Variants in FSTL4 observed in about 807,000 individuals in gnomAD.
FSTL4 encodes the protein follistatin-related protein 4.
A neutral mutation model predicts 78.2 loss-of-function variants in FSTL4; 28 were observed. The observed-to-expected ratio is 0.36, with a 90% CI of 0.27 to 0.49. The LOEUF is 0.49. Among genes scored for constraint, FSTL4 ranks in the 20% least tolerant of loss-of-function variants. FSTL4 has a pLI of 0.98. For missense variants in FSTL4, 922 were observed against 1,084.9 expected (o/e 0.85, Z 2.11); for synonymous variants, 422 against 440.5 (o/e 0.96, Z 0.53).
At chr5:133,702,383 C>A in the FSTL4 span, among the ~76,000 whole-genome samples, 1 of 152,178 alleles carries the variant, frequency 6.6e-6, no homozygotes, top group Non-Finnish European at 1.5e-5. Flanking sequence ...GCGGCAGGTG[C>A]TGGACAAATG....
chr5:133,295,539 T>C (rs1357267358), intron 6 of FSTL4, among the ~76,000 whole-genome samples: 2 of 152,220 alleles, frequency 1.3e-5, no homozygotes, highest in Non-Finnish European at 1.5e-5. Context: ...AGAAGATTTA[T>C]CTTCATTTAG....
At chr5:133,482,274 G>A (rs1758042381) in intron 3 of FSTL4, among the ~76,000 whole-genome samples, 1 of 152,232 alleles carries the variant, frequency 6.6e-6, no homozygotes, top group African/African-American at 2.4e-5. Context: ...CTGGGCCAAA[G>A]AGCCAGATCT....
chr5:133,243,390 C>T (rs934101480), intron 7 of FSTL4, among the ~76,000 whole-genome samples: 5 of 152,136 alleles, frequency 3.3e-5, no homozygotes, highest in African/African-American at 1.2e-4. Context: ...TAAACAATTC[C>T]ACGTGCTGGT....
chr5:133,684,211 G>A, the FSTL4 span, among the ~76,000 whole-genome samples: 16 of 152,184 alleles, frequency 1.1e-4, no homozygotes, highest in East Asian at 3.8e-4. Context: ...TGAAAGTGAC[G>A]GGTAAGCAAA....
At chr5:133,530,330 G>C (rs1241554338) in intron 3 of FSTL4, among the ~76,000 whole-genome samples, 9 of 152,180 alleles carry the variant, frequency 5.9e-5, no homozygotes, top group Non-Finnish European at 4.4e-5. Context: ...ACTCATGCTG[G>C]AATTCAAGGT....
At chr5:133,626,756 G>A in the FSTL4 span, among the ~76,000 whole-genome samples, 4 of 152,022 alleles carry the variant, frequency 2.6e-5, no homozygotes, top group African/African-American at 4.8e-5. Flanking sequence ...TGCACACCAC[G>A]TGATATAAAT....
the FSTL4 span, among the ~76,000 whole-genome samples, chr5:133,749,734 A>G: frequency 6.6e-6 from 1 of 152,212 alleles, no homozygotes; most frequent in Non-Finnish European, 1.5e-5. Context: ...TGTATCTGGC[A>G]GTCAAGCTCT....
chr5:133,593,756 T>G (rs1481678653), intron 2 of FSTL4, among the ~76,000 whole-genome samples: 1 of 152,208 alleles, frequency 6.6e-6, no homozygotes. Flanking sequence ...ACTTAATAAA[T>G]ATGCCCACTT....
At chr5:133,795,924 G>A in the FSTL4 span, among the ~76,000 whole-genome samples, 4 of 152,182 alleles carry the variant, frequency 2.6e-5, no homozygotes, top group Admixed American at 6.5e-5. Flanking sequence ...AGGTCACCTG[G>A]AGTCCACGGG....
chr5:133,705,604 T>G, the FSTL4 span, among the ~76,000 whole-genome samples: 1 of 152,126 alleles, frequency 6.6e-6, no homozygotes, highest in Admixed American at 6.5e-5. Flanking sequence ...TGCGTTCCTG[T>G]GATCCTGCAG....
chr5:133,256,722 G>A (rs1337920283), intron 6 of FSTL4, among the ~76,000 whole-genome samples: 1 of 152,218 alleles, frequency 6.6e-6, no homozygotes, highest in Non-Finnish European at 1.5e-5. Context: ...AGGTGGCTCT[G>A]TATTAGCCAG....
chr5:133,810,717 A>C, the FSTL4 span, among the ~76,000 whole-genome samples: 1 of 152,192 alleles, frequency 6.6e-6, no homozygotes, highest in Non-Finnish European at 1.5e-5. Flanking sequence ...TTTACATAAA[A>C]TGTGGGGAAA....
chr5:133,686,564 A>G, the FSTL4 span, among the ~76,000 whole-genome samples: 1 of 152,190 alleles, frequency 6.6e-6, no homozygotes, highest in Middle Eastern at 3.2e-3. Flanking sequence ...TGGATAACTG[A>G]CGTGTATGCC....
intron 8 of FSTL4, 78 bp downstream of exon 8, chr5:133,233,339 A>G (rs530314583): frequency 1.4e-6 from 2 of 1,481,160 alleles, no homozygotes; most frequent in African/African-American, 2.8e-5. Context: ...GACAGAATAC[A>G]GGAGGGGGCG....
intron 3 of FSTL4, among the ~76,000 whole-genome samples, chr5:133,530,199 CAG>C (rs1759222731): frequency 6.6e-6 from 1 of 152,110 alleles, no homozygotes. Flanking sequence ...TCACTGATCT[CAG>C]AGAGAAGAAA....
intron 3 of FSTL4, among the ~76,000 whole-genome samples, chr5:133,421,195 G>A (rs1756686360): frequency 2.0e-5 from 3 of 152,264 alleles, no homozygotes; most frequent in Non-Finnish European, 4.4e-5. Flanking sequence ...CGGGGCAAGG[G>A]TATGGCTGTC....
the FSTL4 span, among the ~76,000 whole-genome samples, chr5:133,653,078 T>A: frequency 1.3e-5 from 2 of 152,138 alleles, no homozygotes; most frequent in East Asian, 3.9e-4. Flanking sequence ...AAACAAGACA[T>A]AACACATACA....
intron 3 of FSTL4, among the ~76,000 whole-genome samples, chr5:133,501,326 A>G (rs1364557816): frequency 6.6e-6 from 1 of 152,210 alleles, no homozygotes; most frequent in Non-Finnish European, 1.5e-5. Flanking sequence ...TTGGAGCACA[A>G]AATTGGTCAT....
chr5:133,674,554 A>G, the FSTL4 span, among the ~76,000 whole-genome samples: 1 of 152,100 alleles, frequency 6.6e-6, no homozygotes, highest in Non-Finnish European at 1.5e-5. Context: ...TCCCGTAGAG[A>G]ACGAGACAGG....
Sources: gnomAD v4.1 joint callset for allele counts (sites outside exome capture counted in the v4.1 genomes callset) on GRCh38, gnomAD v4.1.1 for gene constraint, MANE v1.5 for transcripts, NCBI Gene and HGNC (gene_info 2026-07-23, HGNC 2026-07-21) for gene names.